TMEM144: variants seen among roughly 807,000 people sequenced by gnomAD.
TMEM144 encodes transmembrane protein 144.
A neutral mutation model predicts 43.6 loss-of-function variants in TMEM144; 39 were observed. That is an observed-to-expected ratio of 0.90 (90% confidence interval 0.69 to 1.17). The LOEUF is 1.17. TMEM144 is among the 50% of genes most tolerant of loss of function. The pLI is 0.00. For synonymous variants in TMEM144, 154 were observed against 133.6 expected (o/e 1.15, Z -1.06); for missense variants, 417 against 411.9 (o/e 1.01, Z -0.11).
At chr4:158,239,022 C>T (rs1302858127) in intron 9 of TMEM144, among the ~76,000 whole-genome samples, 1 of 152,182 alleles carries the variant, frequency 6.6e-6, no homozygotes, top group Non-Finnish European at 1.5e-5. Context: ...AGTTAATTCT[C>T]ATAGCAACTA....
intron 2 of TMEM144, 46 bp from the exon 3 acceptor site, chr4:158,212,562 G>A: frequency 1.3e-6 from 1 of 780,998 alleles, no homozygotes; most frequent in Non-Finnish European, 2.0e-6. Context: ...TCACAATTTG[G>A]TCACAGATTC....
intron 5 of TMEM144, among the ~76,000 whole-genome samples, chr4:158,218,061 C>T (rs1353628539): frequency 6.6e-6 from 1 of 152,158 alleles, no homozygotes; most frequent in Non-Finnish European, 1.5e-5. Flanking sequence ...CAACCGCCTT[C>T]GAGAAAAAGT....
intron 1 of TMEM144, chr4:158,210,954 A>C (rs1229549643): frequency 6.6e-6 from 1 of 152,278 alleles, no homozygotes; most frequent in Admixed American, 6.5e-5. Flanking sequence ...ACAAAATATC[A>C]GCGAACGCTG....
intron 8 of TMEM144, among the ~76,000 whole-genome samples, chr4:158,237,165 A>T (rs996740452): frequency 1.6e-4 from 24 of 152,376 alleles, no homozygotes; most frequent in African/African-American, 5.5e-4. Flanking sequence ...GCATGGTGTC[A>T]GTATATAGAT....
intron 6 of TMEM144, among the ~76,000 whole-genome samples, chr4:158,229,080 T>C (rs193009039): frequency 6.6e-6 from 1 of 152,148 alleles, no homozygotes; most frequent in African/African-American, 2.4e-5. Context: ...TGGTCGATCT[T>C]TAACTACCAG....
At chr4:158,241,841 CA>C (rs1735653303) in intron 11 of TMEM144, among the ~76,000 whole-genome samples, 1 of 152,142 alleles carries the variant, frequency 6.6e-6, no homozygotes, top group Non-Finnish European at 1.5e-5. Context: ...AATATCCTTG[CA>C]GTTTTTGGTT....
chr4:158,213,201 A>G, intron 3 of TMEM144: 1 of 196,118 alleles, frequency 5.1e-6, no homozygotes, highest in Non-Finnish European at 1.0e-5. Flanking sequence ...CTAGATGAAT[A>G]AAGATGTGTG....
At chr4:158,219,148 A>G (rs1386817796) in intron 5 of TMEM144, among the ~76,000 whole-genome samples, 162 bp from the exon 6 acceptor site, 1 of 152,154 alleles carries the variant, frequency 6.6e-6, no homozygotes, top group Non-Finnish European at 1.5e-5. Flanking sequence ...AAAAATTGGA[A>G]ATTGAGGCAC....
intron 12 of TMEM144, among the ~76,000 whole-genome samples, chr4:158,249,933 T>TGTGTGTGTGTGTGTGTGTGTGTGTG (rs70958884): frequency 4.4e-5 from 6 of 135,986 alleles, no homozygotes; most frequent in Non-Finnish European, 8.0e-5. Flanking sequence ...TGTGTGTGTG[T>TGTGTGTGTGTGTGTGTGTGTGTGTG]TTAAATAAGC....
rs770286179 is a variant in TMEM144, at chr4:158,253,524, C to G, written c.1035C>G (p.Ile345Met). 8 of 1,613,074 alleles carry G rather than the reference C, an allele frequency of 5.0e-6. 1 individual carries two copies. The South Asian group carries it at 8.8e-5, about 18-fold the overall frequency. The change falls in exon 13 of 13, where the codon ATC becomes ATG. Residue 345 changes from isoleucine to methionine, a missense_variant. Transcript: ENST00000296529. ...CCTTATGCACTGCTTTTTCTAAAAT[C>G]TAACAATGACAAAACCAGCAGGTGG... The part of the protein sequence containing the change: ...TGALCTAFSK[I>M]
chr4:158,237,622 T>A lies in TMEM144; in HGVS notation c.661T>A (p.Tyr221Asn), dbSNP rs752409650. ...CCACAGCAAAAGAAATGATAGTATA[T>A]ATGCAGGGGCAAGCCAATATGGTGA... The part of the protein sequence containing the change: ...KDHSKRNDSI[Y>N]AGASQYDLDY... The change falls in exon 9 of 13, where the codon TAT becomes AAT. Residue 221 changes from tyrosine to asparagine, a missense_variant. Transcript: ENST00000296529. 5 of 1,612,754 alleles carry A rather than the reference T, an allele frequency of 3.1e-6. No homozygotes were observed. The East Asian group carries it at 1.1e-4, about 36-fold the overall frequency.
chr4:158,229,957 C>G (rs934042325), intron 6 of TMEM144, among the ~76,000 whole-genome samples: 1 of 48,012 alleles, frequency 2.1e-5, no homozygotes, highest in East Asian at 2.1e-3. Flanking sequence ...GGCTGCTGCC[C>G]CTTCCCCAAG....
intron 6 of TMEM144, among the ~76,000 whole-genome samples, chr4:158,228,658 C>A (rs747885662): frequency 2.6e-5 from 4 of 152,096 alleles, no homozygotes; most frequent in Non-Finnish European, 4.4e-5. Flanking sequence ...CGGAGTCCCT[C>A]GCAGGGATGT....
chr4:158,233,640 T>A (rs1313205731), intron 7 of TMEM144: 1 of 152,404 alleles, frequency 6.6e-6, no homozygotes, highest in African/African-American at 2.4e-5. Context: ...AAATCTCTCC[T>A]GTCTGCCCTG....
intron 6 of TMEM144, among the ~76,000 whole-genome samples, chr4:158,225,880 C>CCGCA (rs1396612607): frequency 1.3e-5 from 2 of 152,232 alleles, no homozygotes; most frequent in Admixed American, 1.3e-4. Context: ...GGGGGCTGAC[C>CCGCA]CGCAGGGTGC....
intron 3 of TMEM144, among the ~76,000 whole-genome samples, chr4:158,214,866 C>T (rs893943849): frequency 1.3e-5 from 2 of 152,222 alleles, no homozygotes; most frequent in South Asian, 4.1e-4. Context: ...GCAGAAAATT[C>T]TTGATTTGTC....
At position 158,241,570 on chromosome 4, in the gene TMEM144, T is replaced by C. The variant is rs758104736; in HGVS notation, c.864T>C (p.Ser288=). The stretch of plus-strand genomic sequence containing the variant: ...GCTGTTGGTTCATAGCAAATCACTC[T>C]CTGAGTGCTGTGGTCAGTTTTCCAA... ...ATCCWFIANH[S]LSAVVSFPII... The change falls in exon 11 of 13, where the codon TCT becomes TCC. Residue 288 remains serine (S), a synonymous_variant. Transcript: ENST00000296529. 3.7e-6 allele frequency: 6 copies of C among 1,614,014 alleles called. No individual in the cohort carries two copies. Among genetic ancestry groups the C allele is most frequent in the Non-Finnish European group, 5.1e-6 (6 of 1,179,852 alleles).
chr4:158,238,869 G>A (rs1450553708), intron 9 of TMEM144, among the ~76,000 whole-genome samples: 1 of 152,104 alleles, frequency 6.6e-6, no homozygotes, highest in Non-Finnish European at 1.5e-5. Flanking sequence ...TAGGGATCTT[G>A]CTTGTGACAA....
intron 12 of TMEM144, among the ~76,000 whole-genome samples, chr4:158,246,292 T>C (rs963737809): frequency 6.6e-6 from 1 of 152,218 alleles, no homozygotes; most frequent in Non-Finnish European, 1.5e-5. Flanking sequence ...TAGACCTGTC[T>C]TAATATGCAG....
Sources: allele counts gnomAD v4.1 joint callset (sites outside exome capture counted in the v4.1 genomes callset), GRCh38; gene constraint gnomAD v4.1.1; transcripts MANE v1.5; gene names NCBI Gene and HGNC (gene_info 2026-07-23, HGNC 2026-07-21).